LCORL: variants seen among roughly 807,000 people sequenced by gnomAD.
LCORL encodes the protein ligand dependent nuclear receptor corepressor like.
Under a neutral mutation model 141.8 loss-of-function variants are expected in LCORL, and 41 were observed. That is an observed-to-expected ratio of 0.29 (90% CI 0.23 to 0.38). The LOEUF is 0.38. Among genes scored for constraint, LCORL ranks in the 10% least tolerant of loss-of-function variants. The probability of loss-of-function intolerance (pLI) is 1.00; values close to 1 mark genes in which losing one functional copy is unlikely to be tolerated. For missense variants in LCORL, 1,759 were observed against 2,035.0 expected, an observed-to-expected ratio of 0.86 and a Z score of 2.61; for synonymous variants, 618 against 694.1, an observed-to-expected ratio of 0.89 and a Z score of 1.72.
chr4:17,863,984 C>T (rs1371672822), intron 7 of LCORL, among the ~76,000 whole-genome samples: 1 of 152,092 alleles, frequency 6.6e-6, no homozygotes, highest in Admixed American at 6.5e-5. Context: ...CAACAGAAAG[C>T]AGGGCCTACT....
At chr4:17,920,052 T>C (rs1426497341) in intron 4 of LCORL, among the ~76,000 whole-genome samples, 1 of 152,238 alleles carries the variant, frequency 6.6e-6, no homozygotes, top group Non-Finnish European at 1.5e-5. Context: ...CGGTATCCTC[T>C]GTAATATCCT....
At chr4:17,900,732 G>T (rs1475468114) in intron 5 of LCORL, among the ~76,000 whole-genome samples, 1 of 152,126 alleles carries the variant, frequency 6.6e-6, no homozygotes, top group East Asian at 1.9e-4. Context: ...AACTAATCAT[G>T]ATATTACACA....
At chr4:18,000,708 G>A (rs1721811790) in intron 1 of LCORL, among the ~76,000 whole-genome samples, 1 of 152,130 alleles carries the variant, frequency 6.6e-6, no homozygotes, top group Admixed American at 6.5e-5. Context: ...CCCAAAACAG[G>A]AACAAATAGT....
chr4:17,876,141 C>T (rs1420097993), exon 7 of LCORL: 1 of 1,230,786 alleles, frequency 8.1e-7, no homozygotes, highest in African/African-American at 1.6e-5. Flanking sequence ...AACAGATGAA[C>T]TTTCAGTACC....
intron 1 of LCORL, among the ~76,000 whole-genome samples, chr4:18,020,072 G>A (rs1310325109): frequency 6.6e-6 from 1 of 152,096 alleles, no homozygotes; most frequent in African/African-American, 2.4e-5. Context: ...CAAAACAAAA[G>A]CAGTAAATTA....
Position 17,884,390 on chromosome 4 carries a change from G to C in LCORL, c.776+1678C>G, listed in dbSNP as rs1480445953. The stretch of plus-strand genomic sequence containing the variant: ...CTGTAGAGTTAGCTGATGGAGGTAA[G>C]TGGAAGCTGTTGGGAATTTTATTTC... On this transcript the variant is annotated intron_variant, in intron 6 of 7. Transcript: ENST00000635767. This position sits in a 1 kb window ranked among gnomAD's most constrained non-coding sequence, Gnocchi z 4.4. 2.0e-5 allele frequency: 31 copies of C among 1,548,632 alleles called. No individual in the cohort carries two copies. The highest frequency in any genetic ancestry group is 2.7e-5 in the Non-Finnish European group (31 of 1,145,808).
chr4:17,933,450 T>C (rs1736369004), intron 4 of LCORL, among the ~76,000 whole-genome samples: 1 of 152,102 alleles, frequency 6.6e-6, no homozygotes. Context: ...TTCAGTCAAA[T>C]CTATTCTCCT....
At chr4:17,933,698 T>C (rs1019785450) in intron 4 of LCORL, among the ~76,000 whole-genome samples, 1 of 152,106 alleles carries the variant, frequency 6.6e-6, no homozygotes, top group Non-Finnish European at 1.5e-5. Context: ...GAGAATTTCA[T>C]ATGTCCTATA....
intron 4 of LCORL, among the ~76,000 whole-genome samples, chr4:17,923,169 A>C (rs1322405309): frequency 6.6e-6 from 1 of 152,240 alleles, no homozygotes; most frequent in African/African-American, 2.4e-5. Flanking sequence ...AAATCTGGAG[A>C]ACAGGCATGG....
intron 7 of LCORL, among the ~76,000 whole-genome samples, chr4:17,849,315 CTCT>C (rs778212020): frequency 6.6e-6 from 1 of 152,174 alleles, no homozygotes; most frequent in Non-Finnish European, 1.5e-5. Context: ...CCGGGTACTC[CTCT>C]GAGACAAAAC....
intron 7 of LCORL, among the ~76,000 whole-genome samples, chr4:17,868,160 T>G (rs1725907122): frequency 6.6e-6 from 1 of 152,174 alleles, no homozygotes; most frequent in African/African-American, 2.4e-5. Context: ...GTATGTATGG[T>G]TAGTCTTGGT....
At chr4:17,877,129 G>A (rs1466284296) in exon 7 of LCORL, 3 of 1,230,838 alleles carry the variant, frequency 2.4e-6, no homozygotes, top group Non-Finnish European at 3.0e-6. Flanking sequence ...CTAAACATGG[G>A]TGAATCAGAG....
At chr4:17,967,793 G>A (rs1715199097) in intron 2 of LCORL, among the ~76,000 whole-genome samples, 1 of 152,040 alleles carries the variant, frequency 6.6e-6, no homozygotes, top group Non-Finnish European at 1.5e-5. Flanking sequence ...TATCAGGTTG[G>A]TGCAAAGGTA....
intron 1 of LCORL, among the ~76,000 whole-genome samples, chr4:18,000,552 T>C (rs1223230957): frequency 6.6e-6 from 1 of 152,224 alleles, no homozygotes; most frequent in Non-Finnish European, 1.5e-5. Flanking sequence ...CAAAGATGTT[T>C]TGATACAGTT....
At position 17,967,750 on chromosome 4, in the gene LCORL, G is replaced by C. The variant is rs182964215; in HGVS notation, c.221-4701C>G. ...CAAGCATTATGATGAATATACTCAG[G>C]TAAGTCTTTACTTCAGATAAGTATG... On this transcript the variant is annotated intron_variant, in intron 2 of 7. Transcript: ENST00000635767. 1.2e-3 allele frequency among the ~76,000 whole-genome samples: 183 copies of C among 152,112 alleles called. 3 individuals are homozygous for C. The highest frequency in any genetic ancestry group is 5.9e-5 in the Non-Finnish European group (4 of 68,018).
At chr4:17,860,483 T>C (rs979708953) in intron 7 of LCORL, among the ~76,000 whole-genome samples, 2 of 152,146 alleles carry the variant, frequency 1.3e-5, no homozygotes, top group Admixed American at 6.5e-5. Flanking sequence ...CATGATTCAA[T>C]TACCTCCCAC....
At chr4:17,869,292 C>T (rs545135949) in intron 7 of LCORL, among the ~76,000 whole-genome samples, 3 of 152,142 alleles carry the variant, frequency 2.0e-5, no homozygotes, top group South Asian at 2.1e-4. Flanking sequence ...ATATTCTCTC[C>T]ATTCATGGTC....
chr4:17,852,551 G>C (rs546838248), intron 7 of LCORL, among the ~76,000 whole-genome samples: 2 of 152,262 alleles, frequency 1.3e-5, no homozygotes, highest in East Asian at 1.9e-4. Flanking sequence ...GAAGTGGGAG[G>C]AGAAGTGCTT....
chr4:18,004,212 T>C (rs1722428900), intron 1 of LCORL, among the ~76,000 whole-genome samples: 1 of 152,226 alleles, frequency 6.6e-6, no homozygotes, highest in Non-Finnish European at 1.5e-5. Context: ...CCACATATAC[T>C]AAATGAAAAT....
Sources: allele counts gnomAD v4.1 joint callset (sites outside exome capture counted in the v4.1 genomes callset), GRCh38; gene constraint gnomAD v4.1.1; non-coding constraint Gnocchi (gnomAD v3.1); transcripts MANE v1.5; gene names NCBI Gene and HGNC (gene_info 2026-07-23, HGNC 2026-07-21).